Variants in MDGA2 observed in about 807,000 individuals in gnomAD.
MDGA2 encodes the protein MAM domain-containing glycosylphosphatidylinositol anchor protein 2.
Under a neutral mutation model 117.8 loss-of-function variants are expected in MDGA2, and 40 were observed. The observed-to-expected ratio is 0.34, with a 90% CI of 0.26 to 0.44. The LOEUF is 0.44. MDGA2 is among the 20% of genes least tolerant of loss of function. MDGA2 has a pLI of 1.00. For synonymous variants in MDGA2, 452 were observed against 439.0 expected, an observed-to-expected ratio of 1.03 and a Z score of -0.37; for missense variants, 1,123 against 1,250.6, an observed-to-expected ratio of 0.90 and a Z score of 1.54.
intron 1 of MDGA2, among the ~76,000 whole-genome samples, chr14:47,640,402 T>G (rs180684055): frequency 1.3e-5 from 2 of 152,268 alleles, no homozygotes; most frequent in East Asian, 3.9e-4. Flanking sequence ...TTCTGAACTG[T>G]CTTTCCTGCC....
chr14:46,871,884 A>T lies in MDGA2; in HGVS notation c.2752+1549T>A, dbSNP rs771054239. The T allele has an allele frequency of 1.4e-4, 53 of 388,488 alleles. 1 individual carries two copies. The highest frequency in any genetic ancestry group is 1.8e-4 in the Non-Finnish European group (33 of 186,110). 24.1% of individuals were successfully genotyped at this position (388,488 alleles called of 1,614,324 possible). On this transcript the variant is annotated intron_variant, in intron 14 of 16. Transcript: ENST00000399232. Reference sequence around the variant, plus strand: ...GCTTTCTGGCTGGGCACAATGACTCATGCCTGTAATCCCAGCATTTTGAGA... The same window carrying T: ...GCTTTCTGGCTGGGCACAATGACTCTTGCCTGTAATCCCAGCATTTTGAGA...
intron 10 of MDGA2, among the ~76,000 whole-genome samples, chr14:46,895,167 ATCTTCACGTGGT>A (rs1488261764): frequency 2.6e-5 from 4 of 152,080 alleles, no homozygotes; most frequent in African/African-American, 9.7e-5. Flanking sequence ...AGTTCTCATA[ATCTTCACGTGGT>A]GTGGGAGGAA....
At chr14:47,449,798 G>A (rs1463067825) in intron 1 of MDGA2, among the ~76,000 whole-genome samples, 1 of 151,982 alleles carries the variant, frequency 6.6e-6, no homozygotes, top group Non-Finnish European at 1.5e-5. Context: ...CAGAATCTTG[G>A]TCAGAATGTG....
chr14:47,627,025 C>T (rs1446093236), intron 1 of MDGA2, among the ~76,000 whole-genome samples: 1 of 152,236 alleles, frequency 6.6e-6, no homozygotes, highest in Non-Finnish European at 1.5e-5. Context: ...GTAAACACAC[C>T]AGTCGGCACC....
chr14:46,931,401 A>G (rs995647030), intron 9 of MDGA2, among the ~76,000 whole-genome samples: 1 of 152,066 alleles, frequency 6.6e-6, no homozygotes, highest in Admixed American at 6.6e-5. Context: ...TCTCCCCTGA[A>G]TAAAGCACTC....
chr14:47,487,744 A>G (rs559988153), intron 1 of MDGA2, among the ~76,000 whole-genome samples: 7 of 152,176 alleles, frequency 4.6e-5, no homozygotes, highest in African/African-American at 1.7e-4. Flanking sequence ...AATGCATAAT[A>G]CCTCCTTGTT....
At chr14:47,280,531 C>T (rs1363719065) in intron 2 of MDGA2, among the ~76,000 whole-genome samples, 6 of 151,882 alleles carry the variant, frequency 4.0e-5, no homozygotes, top group Admixed American at 3.3e-4. Flanking sequence ...AGATATTTAG[C>T]TTGCAATGTT....
At chr14:47,407,641 A>G (rs1438563858) in intron 1 of MDGA2, among the ~76,000 whole-genome samples, 4 of 152,206 alleles carry the variant, frequency 2.6e-5, no homozygotes, top group African/African-American at 9.6e-5. Flanking sequence ...AATCAGATTT[A>G]ACCTAAAATA....
intron 1 of MDGA2, among the ~76,000 whole-genome samples, chr14:47,425,399 A>G (rs888838807): frequency 6.6e-6 from 1 of 152,168 alleles, no homozygotes; most frequent in Non-Finnish European, 1.5e-5. Flanking sequence ...CTAAATGCAC[A>G]AAATAATAGC....
intron 6 of MDGA2, among the ~76,000 whole-genome samples, chr14:47,062,719 C>G (rs1282427687): frequency 6.6e-6 from 1 of 151,928 alleles, no homozygotes; most frequent in Non-Finnish European, 1.5e-5. Flanking sequence ...TTCTGGATAG[C>G]CCCTCCTTAG....
At position 47,119,169 on chromosome 14, in the gene MDGA2, G is replaced by GCAC. The variant is rs1225981074; in HGVS notation, c.925+12544_925+12545insGTG. Among the ~76,000 whole-genome samples, 7 of 19,400 alleles carry GCAC rather than the reference G, an allele frequency of 3.6e-4. 3 individuals carry two copies. The highest frequency in any genetic ancestry group is 3.5e-4 in the Non-Finnish European group (3 of 8,554). The allele number at this position is 19,400 out of a possible 152,430, so 12.7% of individuals were successfully genotyped here. A position where few individuals can be genotyped will look rare whatever the true frequency, so the allele number is the denominator to read the frequency against. On this transcript the variant is annotated intron_variant, in intron 5 of 16. Coordinates refer to ENST00000399232, the MANE Select transcript of MDGA2 (RefSeq NM_001113498.3). ...GGGTTCACGCCATTCTCCTGCCTCA[G>GCAC]CCCCGCCCCCCCCCCCCCACCCCGT...
intron 2 of MDGA2, among the ~76,000 whole-genome samples, chr14:47,236,146 C>G (rs1353402104): frequency 6.6e-6 from 1 of 151,916 alleles, no homozygotes; most frequent in Admixed American, 6.6e-5. Flanking sequence ...CAAAAATTAG[C>G]CGGGCATAGT....
intron 1 of MDGA2, among the ~76,000 whole-genome samples, chr14:47,636,161 T>C (rs1897318366): frequency 1.3e-5 from 2 of 152,206 alleles, no homozygotes; most frequent in African/African-American, 2.4e-5. Flanking sequence ...TTTATGGTTA[T>C]ATAATACTTT....
intron 1 of MDGA2, among the ~76,000 whole-genome samples, chr14:47,565,551 TC>T (rs1286003893): frequency 6.6e-6 from 1 of 152,158 alleles, no homozygotes; most frequent in African/African-American, 2.4e-5. Context: ...TGGTCACAAT[TC>T]TCTGAGGGTG....
At chr14:47,131,869 A>G in intron 4 of MDGA2, 23 bp from the exon 5 acceptor site, 1 of 1,529,964 alleles carries the variant, frequency 6.5e-7, no homozygotes, top group Non-Finnish European at 8.9e-7. Context: ...ACAAAAAATA[A>G]AAGTCATTAG....
chr14:46,868,104 A>T (rs1224703955), intron 14 of MDGA2, among the ~76,000 whole-genome samples: 1 of 151,970 alleles, frequency 6.6e-6, no homozygotes, highest in Non-Finnish European at 1.5e-5. Flanking sequence ...ATCAAATGTA[A>T]ATAAATCATG....
At chr14:47,576,327 T>A (rs1465421537) in intron 1 of MDGA2, among the ~76,000 whole-genome samples, 2 of 152,200 alleles carry the variant, frequency 1.3e-5, no homozygotes, top group Non-Finnish European at 2.9e-5. Flanking sequence ...ACTGCTTCCA[T>A]AATGGAGTTT....
intron 7 of MDGA2, among the ~76,000 whole-genome samples, chr14:47,058,268 A>T (rs1223501867): frequency 6.6e-6 from 1 of 152,126 alleles, no homozygotes; most frequent in Non-Finnish European, 1.5e-5. Context: ...AATTTTCAAA[A>T]TGTTTTAAAA....
intron 1 of MDGA2, among the ~76,000 whole-genome samples, chr14:47,372,938 T>C (rs1024374378): frequency 6.6e-6 from 1 of 152,098 alleles, no homozygotes; most frequent in African/African-American, 2.4e-5. Context: ...GGAAAACTCA[T>C]GGTATGTTTT....
Sources: allele counts gnomAD v4.1 joint callset (sites outside exome capture counted in the v4.1 genomes callset), GRCh38; gene constraint gnomAD v4.1.1; transcripts MANE v1.5; gene names NCBI Gene and HGNC (gene_info 2026-07-23, HGNC 2026-07-21).